Variants in PLEKHG1 observed in about 807,000 individuals in gnomAD.
The protein encoded by PLEKHG1 is pleckstrin homology domain-containing family G member 1.
PLEKHG1 carries 44 observed loss-of-function variants against 100.8 expected under a neutral mutation model. The observed-to-expected ratio is 0.44, with a 90% CI of 0.34 to 0.56. PLEKHG1 has a LOEUF of 0.56. PLEKHG1 is among the 20% of genes least tolerant of loss of function. The pLI, the probability that PLEKHG1 is intolerant of heterozygous loss-of-function variation, is 0.01. For synonymous variants in PLEKHG1, 640 were observed against 662.5 expected, an observed-to-expected ratio of 0.97 and a Z score of 0.52; for missense variants, 1,545 against 1,720.9, an observed-to-expected ratio of 0.90 and a Z score of 1.81.
intron 3 of PLEKHG1, among the ~76,000 whole-genome samples, chr6:150,665,007 C>T (rs532675287): frequency 1.4e-4 from 22 of 152,202 alleles, no homozygotes; most frequent in Non-Finnish European, 2.9e-4. Context: ...AAGCTGCTGG[C>T]GAGGACAGCT....
intron 4 of PLEKHG1, among the ~76,000 whole-genome samples, chr6:150,793,313 G>A (rs1398485981): frequency 6.6e-6 from 1 of 152,070 alleles, no homozygotes; most frequent in East Asian, 1.9e-4. Context: ...GAGGTGAGAG[G>A]ATCACTTGAG....
At chr6:150,648,523 A>G (rs1778589057) in intron 2 of PLEKHG1, among the ~76,000 whole-genome samples, 1 of 152,176 alleles carries the variant, frequency 6.6e-6, no homozygotes, top group Non-Finnish European at 1.5e-5. Flanking sequence ...TAATGGATCT[A>G]TTTATATAAT....
chr6:150,711,278 C>T (rs1781233206), intron 3 of PLEKHG1, among the ~76,000 whole-genome samples: 1 of 152,108 alleles, frequency 6.6e-6, no homozygotes, highest in Non-Finnish European at 1.5e-5. Flanking sequence ...CAAGGGGCAG[C>T]TCTCCCCTTT....
chr6:150,681,962 A>G (rs764307637), intron 3 of PLEKHG1, among the ~76,000 whole-genome samples: 7 of 152,194 alleles, frequency 4.6e-5, no homozygotes, highest in Non-Finnish European at 1.0e-4. Flanking sequence ...GTGCTTTGCA[A>G]TATGACTCCA....
intron 2 of PLEKHG1, among the ~76,000 whole-genome samples, chr6:150,767,385 G>A (rs1327325045): frequency 1.3e-5 from 2 of 152,182 alleles, no homozygotes; most frequent in African/African-American, 4.8e-5. Flanking sequence ...AAGAAGAAAA[G>A]TTGTTACCAC....
chr6:150,815,091 T>C (rs1787785932), intron 10 of PLEKHG1, among the ~76,000 whole-genome samples: 1 of 152,256 alleles, frequency 6.6e-6, no homozygotes, highest in Admixed American at 6.5e-5. Context: ...AGCAGGATTA[T>C]CATTAAAGTG....
At chr6:150,769,584 C>CAAAA (rs5880898) in intron 3 of PLEKHG1, among the ~76,000 whole-genome samples, 18 of 63,776 alleles carry the variant, frequency 2.8e-4, no homozygotes, top group African/African-American at 3.6e-4. Context: ...GACTCCATCT[C>CAAAA]AAAAAAAAAA....
chr6:150,810,487 G>A (rs139453188), intron 10 of PLEKHG1, among the ~76,000 whole-genome samples: 120 of 100,618 alleles, frequency 1.2e-3, no homozygotes, highest in African/African-American at 4.9e-3. Flanking sequence ...AAAGAAAGAA[G>A]GAAGGAAGGA....
intron 2 of PLEKHG1, among the ~76,000 whole-genome samples, chr6:150,752,098 A>G (rs1783550526): frequency 6.6e-6 from 1 of 152,108 alleles, no homozygotes; most frequent in African/African-American, 2.4e-5. Flanking sequence ...AGACAGGAGA[A>G]TCACTTGAAC....
chr6:150,690,888 C>T (rs889369240), intron 3 of PLEKHG1, among the ~76,000 whole-genome samples: 1 of 152,216 alleles, frequency 6.6e-6, no homozygotes, highest in Non-Finnish European at 1.5e-5. Flanking sequence ...GCTCACAGAT[C>T]CCTGCCTCCT....
At chr6:150,608,403 A>G (rs1187806121) in intron 1 of PLEKHG1, among the ~76,000 whole-genome samples, 5 of 152,186 alleles carry the variant, frequency 3.3e-5, no homozygotes, top group Admixed American at 6.5e-5. Flanking sequence ...GTCTAATACT[A>G]TAGTTTAAGA....
chr6:150,726,038 AC>A (rs1444598804), intron 1 of PLEKHG1, among the ~76,000 whole-genome samples: 2 of 152,148 alleles, frequency 1.3e-5, no homozygotes, highest in East Asian at 3.9e-4. Flanking sequence ...GCCACCTGAC[AC>A]CACTCTTACG....
At chr6:150,807,884 G>A (rs546645389) in intron 7 of PLEKHG1, among the ~76,000 whole-genome samples, 4 of 152,196 alleles carry the variant, frequency 2.6e-5, no homozygotes, top group Admixed American at 1.3e-4. Context: ...CAGGAGAATC[G>A]CTTGAACCCA....
chr6:150,835,187 C>T (rs1478273302), intron 15 of PLEKHG1, among the ~76,000 whole-genome samples: 1 of 152,142 alleles, frequency 6.6e-6, no homozygotes, highest in Non-Finnish European at 1.5e-5. Flanking sequence ...TCCAGTTGCT[C>T]CCATATCTTA....
intron 1 of PLEKHG1, among the ~76,000 whole-genome samples, chr6:150,636,271 T>G (rs1443101770): frequency 6.7e-6 from 1 of 149,600 alleles, no homozygotes; most frequent in African/African-American, 2.5e-5. Context: ...CAGATCATTG[T>G]ATGTAACTCA....
intron 14 of PLEKHG1, among the ~76,000 whole-genome samples, chr6:150,825,544 C>A (rs1165817531): frequency 6.6e-6 from 1 of 152,172 alleles, no homozygotes; most frequent in East Asian, 1.9e-4. Context: ...TGCACTCCAG[C>A]CTGGGCAACA....
At chr6:150,832,046 A>G (rs1255725408) in exon 15 of PLEKHG1, 1 of 1,614,186 alleles carries the variant, frequency 6.2e-7, no homozygotes, top group Non-Finnish European at 8.5e-7. Flanking sequence ...GGTGTTTATG[A>G]TGGCTCGGCA....
intron 2 of PLEKHG1, among the ~76,000 whole-genome samples, chr6:150,740,177 G>C (rs956268694): frequency 5.3e-5 from 8 of 152,228 alleles, no homozygotes; most frequent in African/African-American, 1.9e-4. Context: ...GGATGAAATG[G>C]AATCTGAGTT....
At chr6:150,671,753 G>A (rs1442035537) in intron 3 of PLEKHG1, among the ~76,000 whole-genome samples, 1 of 152,208 alleles carries the variant, frequency 6.6e-6, no homozygotes, top group Non-Finnish European at 1.5e-5. Flanking sequence ...AAAGACTAGG[G>A]AAGACCTACA....
Sources: gnomAD v4.1 joint callset for allele counts (sites outside exome capture counted in the v4.1 genomes callset) on GRCh38, gnomAD v4.1.1 for gene constraint, MANE v1.5 for transcripts, NCBI Gene and HGNC (gene_info 2026-07-23, HGNC 2026-07-21) for gene names.